PCDHGA5: variants seen among roughly 807,000 people sequenced by gnomAD.
PCDHGA5 encodes the protein protocadherin gamma-A5.
PCDHGA5 carries 36 observed loss-of-function variants against 56.7 expected under a neutral mutation model. The ratio of observed to expected loss-of-function variants is 0.64; its 90% CI spans 0.49 to 0.84. The LOEUF is 0.84. Among genes scored for constraint, PCDHGA5 ranks in the 40% least tolerant of loss-of-function variants. PCDHGA5 has a pLI of 0.00. For missense variants in PCDHGA5, 1,305 were observed against 1,201.5 expected (o/e 1.09, Z -1.27); for synonymous variants, 563 against 520.2 (o/e 1.08, Z -1.12).
At chr5:141,411,425 A>AC (rs971774943) in intron 1 of PCDHGA5, 58 of 150,512 alleles carry the variant, frequency 3.9e-4, no homozygotes, top group African/African-American at 1.4e-3. Flanking sequence ...AACAACAACA[A>AC]AAAAAAACAT....
In PCDHGA5 at chr5:141,490,858, G is replaced by C. The variant is rs775132338; in HGVS notation, c.2422-3949G>C. On this transcript the variant is annotated intron_variant, in intron 1 of 3. Coordinates refer to ENST00000518069, the MANE Select transcript of PCDHGA5 (RefSeq NM_018918.3). The surrounding 1 kb of genome is among the most constrained non-coding windows in gnomAD (Gnocchi z 5.4). ...GATTGTGGTGGGGGTTCGAGACTCC[G>C]GCTCTCCCCCATTGCATGCCAACAC... The C allele has an allele frequency of 1.5e-5, 24 of 1,613,704 alleles. 1 individual carries two copies. Among genetic ancestry groups the C allele is most frequent in the Non-Finnish European group, 2.0e-5 (24 of 1,179,918 alleles).
chr5:141,382,917 G>A (rs527482854), intron 1 of PCDHGA5: 1 of 1,555,450 alleles, frequency 6.4e-7, no homozygotes, highest in East Asian at 2.3e-5. Flanking sequence ...CTCAGCCGAG[G>A]GGCGGGGACT....
At chr5:141,507,084 T>G (rs2099858284) in intron 3 of PCDHGA5, 1 of 152,142 alleles carries the variant, frequency 6.6e-6, no homozygotes, top group African/African-American at 2.4e-5. Flanking sequence ...ACTCCTAAGT[T>G]TATGCTCTTT....
intron 1 of PCDHGA5, among the ~76,000 whole-genome samples, chr5:141,451,403 G>A (rs2154563571): frequency 6.6e-6 from 1 of 152,288 alleles, no homozygotes; most frequent in South Asian, 2.1e-4. Context: ...GCAAAATTAA[G>A]TTCCTTGTGG....
chr5:141,422,370 T>G (rs2096643676), intron 1 of PCDHGA5: 1 of 1,566,604 alleles, frequency 6.4e-7, no homozygotes, highest in African/African-American at 1.4e-5. Flanking sequence ...GAGAAAATGG[T>G]CAAGTCTCCT....
intron 1 of PCDHGA5, chr5:141,398,707 C>G (rs1257471989): frequency 6.8e-6 from 11 of 1,613,742 alleles, no homozygotes; most frequent in African/African-American, 1.3e-5. Context: ...ATACCCGGAA[C>G]TGGCACTGGA....
rs529966095 is a variant in PCDHGA5 at position 141,499,776 on chromosome 5, TC to T, written c.2480+4914del. 3.7e-3 allele frequency among the ~76,000 whole-genome samples: 528 copies of T among 141,410 alleles called. 6 individuals carry two copies. Among genetic ancestry groups the T allele is most frequent in the Non-Finnish European group, 4.2e-3 (282 of 66,550 alleles). The allele number at this position is 141,410 out of a possible 152,430, so 92.8% of individuals were successfully genotyped here. ...ATCTCAGCTCACTGCAGCCTTCGCCTCCCGGGTTCAAGCAATTCTCATGCTT... is the reference window on the plus strand; with the variant it reads ...ATCTCAGCTCACTGCAGCCTTCGCCTCCGGGTTCAAGCAATTCTCATGCTT... On this transcript the variant is annotated intron_variant, in intron 2 of 3. Coordinates refer to ENST00000518069, the MANE Select transcript of PCDHGA5 (RefSeq NM_018918.3).
At chr5:141,448,710 G>T (rs897054829) in intron 1 of PCDHGA5, among the ~76,000 whole-genome samples, 1 of 152,162 alleles carries the variant, frequency 6.6e-6, no homozygotes, top group Non-Finnish European at 1.5e-5. Flanking sequence ...GGAGGCCGAG[G>T]CGGGAGGATC....
chr5:141,413,517 G>A (rs1561743187), intron 1 of PCDHGA5: 1 of 1,613,946 alleles, frequency 6.2e-7, no homozygotes. Flanking sequence ...ATATCCTTGT[G>A]GAAGACAGGG....
intron 1 of PCDHGA5, chr5:141,387,800 T>G: frequency 4.6e-6 from 7 of 1,509,374 alleles, no homozygotes; most frequent in Non-Finnish European, 6.2e-6. Context: ...TAAAGTCCGT[T>G]CGGAGATCCA....
chr5:141,380,910 A>G (rs1776848535), intron 1 of PCDHGA5, among the ~76,000 whole-genome samples: 1 of 152,262 alleles, frequency 6.6e-6, no homozygotes, highest in South Asian at 2.1e-4. Context: ...ACAAGTGCTT[A>G]CATTGTTTAA....
At position 141,364,284 on chromosome 5, in the gene PCDHGA5, C is replaced by G; in HGVS notation, c.-47C>G. On this transcript the variant is annotated 5_prime_UTR_variant, in exon 1 of 4. Coordinates refer to ENST00000518069, the MANE Select transcript of PCDHGA5 (RefSeq NM_018918.3). ...CATCGGCTTTAGATAAATAAGGAAA[C>G]AGCAGGCTGAACCAGAACTAAGAGA... The G allele has an allele frequency of 6.6e-7, 1 of 1,517,046 alleles. No individual in the cohort carries two copies. The highest frequency in any genetic ancestry group is 1.4e-5 in the South Asian group (1 of 73,854). 94.0% of individuals were successfully genotyped at this position (1,517,046 alleles called of 1,614,324 possible). A position where few individuals can be genotyped will look rare whatever the true frequency, so the allele number is the denominator to read the frequency against.
chr5:141,375,369 C>A lies in PCDHGA5; in HGVS notation c.2421+8618C>A. On this transcript the variant is annotated intron_variant, in intron 1 of 3. Coordinates refer to ENST00000518069, the MANE Select transcript of PCDHGA5 (RefSeq NM_018918.3). ...ACTGTGACAGCCACGGACAAAGGAA[C>A]ACCACCTCTGTCTACAGAAACAATC... 1 of 1,613,892 alleles carries A rather than the reference C, an allele frequency of 6.2e-7. No individual in the cohort carries two copies. Among genetic ancestry groups the A allele is most frequent in the South Asian group, 1.1e-5 (1 of 91,084 alleles).
chr5:141,433,259 T>C (rs776486704), intron 1 of PCDHGA5: 3 of 1,380,658 alleles, frequency 2.2e-6, no homozygotes, highest in Non-Finnish European at 3.0e-6. Flanking sequence ...AGCGGTACGA[T>C]CATAGCTCAC....
At chr5:141,375,223 C>T in intron 1 of PCDHGA5, 4 of 1,613,982 alleles carry the variant, frequency 2.5e-6, no homozygotes, top group Non-Finnish European at 3.4e-6. Flanking sequence ...GCCTGAATGG[C>T]CTGGTAACCT....
At position 141,423,457 on chromosome 5, in the gene PCDHGA5, G is replaced by A. The variant is rs148481587; in HGVS notation, c.2421+56706G>A. 6.9e-5 allele frequency: 111 copies of A among 1,614,010 alleles called. 2 individuals carry two copies. The South Asian group carries it at 9.3e-4, about 14-fold the overall frequency. ...TATGCCCACGTCACATTTTGTAGGC[G>A]TGGACGGGGTACAGGCTTTCCTGCA... On this transcript the variant is annotated intron_variant, in intron 1 of 3. Coordinates refer to ENST00000518069, the MANE Select transcript of PCDHGA5 (RefSeq NM_018918.3).
intron 3 of PCDHGA5, among the ~76,000 whole-genome samples, chr5:141,509,791 C>T (rs2099878284): frequency 6.6e-6 from 1 of 152,164 alleles, no homozygotes; most frequent in Non-Finnish European, 1.5e-5. Flanking sequence ...TCATCATCTC[C>T]TCAGCTTCAT....
In PCDHGA5 at chr5:141,485,990, C is replaced by T. The variant is rs1285988124; in HGVS notation, c.2422-8817C>T. 2.5e-6 allele frequency: 4 copies of T among 1,614,168 alleles called. No homozygotes were observed. The stretch of plus-strand genomic sequence containing the variant: ...CAATGCCTCAGACCCGGACCTGGGT[C>T]CCAGTGGTAACGTCACCTTTTATTT... On this transcript the variant is annotated intron_variant, in intron 1 of 3. Coordinates refer to ENST00000518069, the MANE Select transcript of PCDHGA5 (RefSeq NM_018918.3). This position sits in a 1 kb window ranked among gnomAD's most constrained non-coding sequence, Gnocchi z 5.7.
At chr5:141,383,416 A>G in intron 1 of PCDHGA5, 1 of 1,613,856 alleles carries the variant, frequency 6.2e-7, no homozygotes, top group Non-Finnish European at 8.5e-7. Flanking sequence ...TTACCAGCTC[A>G]GCCCCAATCG....
Sources: allele counts gnomAD v4.1 joint callset (sites outside exome capture counted in the v4.1 genomes callset), GRCh38; gene constraint gnomAD v4.1.1; non-coding constraint Gnocchi (gnomAD v3.1); transcripts MANE v1.5; gene names NCBI Gene and HGNC (gene_info 2026-07-23, HGNC 2026-07-21).